LRRC4C: variants seen among roughly 807,000 people sequenced by gnomAD.
LRRC4C encodes leucine-rich repeat-containing protein 4C.
A neutral mutation model predicts 33.6 loss-of-function variants in LRRC4C; 5 were observed. The observed-to-expected ratio is 0.15, with a 90% CI of 0.08 to 0.31. LRRC4C has a LOEUF of 0.31. Among genes scored for constraint, LRRC4C ranks in the 10% least tolerant of loss-of-function variants. LRRC4C has a pLI of 1.00. For synonymous variants in LRRC4C, 329 were observed against 302.0 expected, an observed-to-expected ratio of 1.09 and a Z score of -0.93; for missense variants, 560 against 796.7, an observed-to-expected ratio of 0.70 and a Z score of 3.58.
chr11:41,107,225 T>C (rs1941560113), intron 1 of LRRC4C, among the ~76,000 whole-genome samples: 1 of 152,048 alleles, frequency 6.6e-6, no homozygotes, highest in South Asian at 2.1e-4. Context: ...ATTTTAGATG[T>C]TCTGATTTGT....
At chr11:40,125,572 A>T (rs1456168885) in intron 6 of LRRC4C, among the ~76,000 whole-genome samples, 1 of 150,748 alleles carries the variant, frequency 6.6e-6, no homozygotes, top group African/African-American at 2.4e-5. Context: ...CTCTCTCCTT[A>T]TTTCCTCAGC....
intron 1 of LRRC4C, among the ~76,000 whole-genome samples, chr11:41,408,565 G>T (rs538762790): frequency 6.6e-6 from 1 of 152,002 alleles, no homozygotes; most frequent in Non-Finnish European, 1.5e-5. Flanking sequence ...TTAAGTATCT[G>T]CCAGGATACC....
intron 1 of LRRC4C, among the ~76,000 whole-genome samples, chr11:41,438,761 T>C (rs542190428): frequency 6.6e-6 from 1 of 152,336 alleles, no homozygotes; most frequent in East Asian, 1.9e-4. Flanking sequence ...GAAATACTTT[T>C]TCTCATTATT....
intron 3 of LRRC4C, among the ~76,000 whole-genome samples, chr11:40,384,369 T>C (rs1036258167): frequency 2.6e-5 from 4 of 152,160 alleles, no homozygotes; most frequent in East Asian, 1.9e-4. Flanking sequence ...CTAGCATTCA[T>C]TGGTAAACAC....
In LRRC4C at chr11:41,442,458, C is replaced by CTTTTTTTTT. The variant is rs775679545; in HGVS notation, c.-496+16964_-496+16972dup. ...AGTTCTCTCTCTTTGTTGCTTTTTT[C>CTTTTTTTTT]TTTTTTTTTTTTTTTTTTTTTTTTT... On this transcript the variant is annotated intron_variant, in intron 1 of 6. Transcript: ENST00000528697. 8.9e-4 allele frequency among the ~76,000 whole-genome samples: 75 copies of CTTTTTTTTT among 84,072 alleles called. 4 individuals carry two copies. The highest frequency in any genetic ancestry group is 1.3e-3 in the East Asian group (4 of 2,964). The allele number at this position is 84,072 out of a possible 152,430, so 55.2% of individuals were successfully genotyped here.
chr11:40,359,966 T>C (rs1015724427), intron 3 of LRRC4C, among the ~76,000 whole-genome samples: 2 of 152,318 alleles, frequency 1.3e-5, no homozygotes, highest in Admixed American at 1.3e-4. Flanking sequence ...TTTGAGAGCC[T>C]ATTGAATTAG....
chr11:41,391,547 C>T (rs192433425), intron 1 of LRRC4C, among the ~76,000 whole-genome samples: 9 of 151,938 alleles, frequency 5.9e-5, no homozygotes, highest in African/African-American at 1.2e-4. Context: ...ATGAATGATG[C>T]CCACGTTTGA....
intron 5 of LRRC4C, among the ~76,000 whole-genome samples, chr11:40,223,887 GT>G (rs1277007846): frequency 3.9e-5 from 6 of 152,090 alleles, no homozygotes; most frequent in Non-Finnish European, 7.4e-5. Context: ...AGAATCTTCA[GT>G]TTCTACAATT....
chr11:40,361,701 A>T (rs1250448205), intron 3 of LRRC4C, among the ~76,000 whole-genome samples: 2 of 152,238 alleles, frequency 1.3e-5, no homozygotes, highest in Non-Finnish European at 2.9e-5. Flanking sequence ...CATCAATGCT[A>T]TTAAACTACC....
At chr11:40,518,318 C>T (rs1031217621) in intron 3 of LRRC4C, among the ~76,000 whole-genome samples, 1 of 152,144 alleles carries the variant, frequency 6.6e-6, no homozygotes, top group African/African-American at 2.4e-5. Context: ...TCAGAGTGAA[C>T]AGGCAACCTA....
At chr11:40,549,148 TATTAA>T (rs1421081056) in intron 3 of LRRC4C, among the ~76,000 whole-genome samples, 1 of 152,174 alleles carries the variant, frequency 6.6e-6, no homozygotes, top group African/African-American at 2.4e-5. Context: ...AACATCTATT[TATTAA>T]ATTATGTTTG....
intron 3 of LRRC4C, among the ~76,000 whole-genome samples, chr11:40,417,474 G>C (rs1950368166): frequency 6.6e-6 from 1 of 151,918 alleles, no homozygotes; most frequent in African/African-American, 2.4e-5. Flanking sequence ...TGGGATTATA[G>C]GTGTCTGCCA....
At chr11:40,715,268 A>T (rs890821123) in intron 2 of LRRC4C, among the ~76,000 whole-genome samples, 1 of 152,222 alleles carries the variant, frequency 6.6e-6, no homozygotes, top group Admixed American at 6.5e-5. Flanking sequence ...TTCACAAATA[A>T]GAAAACCCAA....
At chr11:40,379,068 T>C (rs1185406751) in intron 3 of LRRC4C, among the ~76,000 whole-genome samples, 5 of 152,122 alleles carry the variant, frequency 3.3e-5, no homozygotes, top group African/African-American at 1.2e-4. Context: ...ACCAATGTCA[T>C]AATCTTCTTT....
rs5791360 is a variant in LRRC4C, at chr11:40,140,855, T to TAAAAAAAAA, written c.-95-11_-95-3dup. 3 of 131,876 alleles carry TAAAAAAAAA rather than the reference T, an allele frequency of 2.3e-5. No homozygotes were observed. The highest frequency in any genetic ancestry group is 5.8e-5 in the African/African-American group (2 of 34,762). 8.2% of individuals were successfully genotyped at this position (131,876 alleles called of 1,614,324 possible). On this transcript the variant is annotated splice_region_variant and splice_polypyrimidine_tract_variant and intron_variant, in intron 5 of 6. Transcript: ENST00000528697. Reference sequence around the variant, plus strand: ...TAAGTAGGCAGTGCGTTTGCCAATCTAAAAAAAAAAAAAAAAGAAAAGAAA... The same window carrying TAAAAAAAAA: ...TAAGTAGGCAGTGCGTTTGCCAATCTAAAAAAAAAAAAAAAAAAAAAAAAAGAAAAGAAA...
chr11:41,152,894 G>A (rs1944062043), intron 1 of LRRC4C, among the ~76,000 whole-genome samples: 1 of 152,072 alleles, frequency 6.6e-6, no homozygotes, highest in South Asian at 2.1e-4. Flanking sequence ...CATACCACTA[G>A]CCAACTAATA....
At position 41,224,411 on chromosome 11, in the gene LRRC4C, C is replaced by A. The variant is rs116447366; in HGVS notation, c.-496+235020G>T. Among the ~76,000 whole-genome samples the A allele has an allele frequency of 4.3e-3, 648 of 152,244 alleles. 4 individuals carry two copies. Among genetic ancestry groups the A allele is most frequent in the African/African-American group, 0.015 (613 of 41,546 alleles). On this transcript the variant is annotated intron_variant, in intron 1 of 6. Coordinates refer to ENST00000528697, the MANE Select transcript of LRRC4C (RefSeq NM_001258419.2). ...TTATTAGCTCTGTAACTACAATTCTCATCCAAGAGGCCAGTTTTAGGGTGA... is the reference window on the plus strand; with the variant it reads ...TTATTAGCTCTGTAACTACAATTCTAATCCAAGAGGCCAGTTTTAGGGTGA...
At chr11:41,162,279 CCAATAAAGGCAATA>C (rs991477631) in intron 1 of LRRC4C, among the ~76,000 whole-genome samples, 3 of 152,078 alleles carry the variant, frequency 2.0e-5, no homozygotes, top group Admixed American at 6.6e-5. Flanking sequence ...GCCTTTATCA[CCAATAAAGGCAATA>C]CATTAGCCTC....
intron 1 of LRRC4C, among the ~76,000 whole-genome samples, chr11:41,028,670 G>A (rs1013146691): frequency 2.3e-4 from 35 of 151,416 alleles, no homozygotes; most frequent in African/African-American, 8.0e-4. Context: ...CTTGAAGAGG[G>A]CCTCAATTCC....
Sources: gnomAD v4.1 joint callset for allele counts (sites outside exome capture counted in the v4.1 genomes callset) on GRCh38, gnomAD v4.1.1 for gene constraint, MANE v1.5 for transcripts, NCBI Gene and HGNC (gene_info 2026-07-23, HGNC 2026-07-21) for gene names.